Variants in ENTPD4 observed in about 807,000 individuals in gnomAD.
ENTPD4 encodes the protein ectonucleoside triphosphate diphosphohydrolase 4.
A neutral mutation model predicts 79.1 loss-of-function variants in ENTPD4; 60 were observed. The observed-to-expected ratio is 0.76, with a 90% CI of 0.62 to 0.94. The LOEUF (loss-of-function observed/expected upper bound fraction) is 0.94. Among genes scored for constraint, ENTPD4 ranks in the 40% least tolerant of loss-of-function variants. The pLI is 0.00. For synonymous variants in ENTPD4, 276 were observed against 292.0 expected (o/e 0.95, Z 0.56); for missense variants, 772 against 775.1 (o/e 1.00, Z 0.05).
chr8:23,452,262 C>A (rs1008081686), intron 1 of ENTPD4, among the ~76,000 whole-genome samples: 2 of 152,108 alleles, frequency 1.3e-5, no homozygotes, highest in African/African-American at 4.8e-5. Context: ...CTTTGCAGAC[C>A]CTAGGAAAGG....
intron 4 of ENTPD4, among the ~76,000 whole-genome samples, chr8:23,446,604 A>G (rs958733681): frequency 1.3e-4 from 20 of 152,212 alleles, no homozygotes; most frequent in Admixed American, 7.9e-4. Flanking sequence ...AGTGAGGTAC[A>G]GACTTTAGAT....
In ENTPD4 at chr8:23,435,421, G is replaced by A. The variant is rs754910311; in HGVS notation, c.1431C>T (p.Tyr477=). Residue 477 remains tyrosine, a synonymous_variant, in exon 11 of 13, where the codon TAC becomes TAT. Transcript: ENST00000358689. ...ILRERFDRGL[Y]ASHADLHRLK... ...GCCTGTGGAGGTCAGCATGAGAGGC[G>A]TACAGTCCTCGGTCAAAGCGTTCCC... The A allele has an allele frequency of 1.4e-5, 23 of 1,613,754 alleles. 1 individual carries two copies. The highest frequency in any genetic ancestry group is 1.3e-4 in the Admixed American group (8 of 59,994).
intron 5 of ENTPD4, 35 bp from the exon 6 acceptor site, chr8:23,443,988 AT>A: frequency 7.0e-7 from 1 of 1,420,320 alleles, no homozygotes; most frequent in Non-Finnish European, 9.9e-7. Flanking sequence ...AAATCAAAAG[AT>A]TACAGCTTGG....
chr8:23,434,637 T>C, intron 11 of ENTPD4, 159 bp from the exon 12 acceptor site: 1 of 1,446,228 alleles, frequency 6.9e-7, no homozygotes. Context: ...TCAAGGTTGA[T>C]GTACTTGCTT....
chr8:23,434,733 CCT>C lies in ENTPD4; in HGVS notation c.1461-257_1461-256del, dbSNP rs2117275858. 8.5e-6 allele frequency: 11 copies of C among 1,295,482 alleles called. No individual in the cohort carries two copies. In the South Asian group the frequency reaches 2.3e-4, roughly 27 times the overall value. The allele number at this position is 1,295,482 out of a possible 1,614,324, so 80.2% of individuals were successfully genotyped here. On this transcript the variant is annotated intron_variant, in intron 11 of 12. Coordinates refer to ENST00000358689, the MANE Select transcript of ENTPD4 (RefSeq NM_004901.5). Reference sequence around the variant, plus strand: ...CGGTCTCGGCATAATGTCATATATCCCTGAGATAGGTTTCTTTTCCAGCTGGC... The same window carrying C: ...CGGTCTCGGCATAATGTCATATATCCGAGATAGGTTTCTTTTCCAGCTGGC...
chr8:23,431,458 C>T lies in ENTPD4; in HGVS notation c.*1468G>A. Reference sequence around the variant, plus strand: ...TCAACTAAATAAATAGGTGAAAAAACACCAATCTCACATATGCCAATCCAA... The same window carrying T: ...TCAACTAAATAAATAGGTGAAAAAATACCAATCTCACATATGCCAATCCAA... On this transcript the variant is annotated 3_prime_UTR_variant, in exon 13 of 13. Transcript: ENST00000358689. The T allele has an allele frequency of 1.0e-6, 1 of 985,422 alleles. No homozygotes were observed. The highest frequency in any genetic ancestry group is 1.2e-6 in the Non-Finnish European group (1 of 829,922). The allele number at this position is 985,422 out of a possible 1,614,324, so 61.0% of individuals were successfully genotyped here.
chr8:23,439,283 T>C (rs1800626941), intron 9 of ENTPD4, among the ~76,000 whole-genome samples: 1 of 152,230 alleles, frequency 6.6e-6, no homozygotes, highest in Non-Finnish European at 1.5e-5. Flanking sequence ...CCCTTCACGA[T>C]GGTTCTTATC....
In ENTPD4 at chr8:23,432,384, G is replaced by C; in HGVS notation, c.*542C>G. On this transcript the variant is annotated 3_prime_UTR_variant, in exon 13 of 13. Coordinates refer to ENST00000358689, the MANE Select transcript of ENTPD4 (RefSeq NM_004901.5). ...AACCCCAGAAATCTCATTTATTTTTGGCAGATATCCTGTGCAGCAAAAATC... is the reference window on the plus strand; with the variant it reads ...AACCCCAGAAATCTCATTTATTTTTCGCAGATATCCTGTGCAGCAAAAATC... 2.0e-6 allele frequency: 2 copies of C among 985,464 alleles called. No individual in the cohort carries two copies. The highest frequency in any genetic ancestry group is 2.4e-6 in the Non-Finnish European group (2 of 830,080). 61.0% of individuals were successfully genotyped at this position (985,464 alleles called of 1,614,324 possible).
chr8:23,431,245 G>T lies in ENTPD4; in HGVS notation c.*1681C>A. On this transcript the variant is annotated 3_prime_UTR_variant, in exon 13 of 13. Transcript: ENST00000358689. ...TCCAAACTCTCCCAGCCTCTGCCCAGTACCTAGTTCCAAAGCCACTTTTAT... is the reference window on the plus strand; with the variant it reads ...TCCAAACTCTCCCAGCCTCTGCCCATTACCTAGTTCCAAAGCCACTTTTAT... 1 of 716,624 alleles carries T rather than the reference G, an allele frequency of 1.4e-6. No individual in the cohort carries two copies. The highest frequency in any genetic ancestry group is 1.7e-6 in the Non-Finnish European group (1 of 585,396). The allele number at this position is 716,624 out of a possible 1,614,324, so 44.4% of individuals were successfully genotyped here.
At chr8:23,435,535 TA>T in intron 10 of ENTPD4, 58 bp from the exon 11 acceptor site, 1 of 1,297,038 alleles carries the variant, frequency 7.7e-7, no homozygotes. Context: ...ATTCTCACTT[TA>T]AAAATGGTTT....
chr8:23,456,008 C>A (rs992247948), intron 1 of ENTPD4, among the ~76,000 whole-genome samples: 1 of 152,212 alleles, frequency 6.6e-6, no homozygotes, highest in African/African-American at 2.4e-5. Context: ...GCGACTCACC[C>A]ACCTTCTGCC....
intron 1 of ENTPD4, among the ~76,000 whole-genome samples, chr8:23,451,254 C>T (rs10108137): frequency 0.063 from 9,536 of 152,028 alleles, 440 homozygotes; most frequent in African/African-American, 0.12. Context: ...GCCCCTGACC[C>T]GGTGATCTGC....
intron 10 of ENTPD4, among the ~76,000 whole-genome samples, chr8:23,436,010 G>A (rs908452145): frequency 1.3e-5 from 2 of 152,102 alleles, no homozygotes; most frequent in African/African-American, 2.4e-5. Context: ...CTACCATCCC[G>A]ACCTCTATTT....
chr8:23,442,740 G>A (rs1048124401), intron 6 of ENTPD4, among the ~76,000 whole-genome samples: 1 of 151,446 alleles, frequency 6.6e-6, no homozygotes, highest in African/African-American at 2.4e-5. Context: ...CATTCACTCA[G>A]CTGCCAAGTC....
intron 9 of ENTPD4, among the ~76,000 whole-genome samples, chr8:23,437,501 C>A (rs1800589632): frequency 6.6e-6 from 1 of 152,128 alleles, no homozygotes; most frequent in South Asian, 2.1e-4. Context: ...GTTGGATAAC[C>A]TACCCGATTA....
intron 12 of ENTPD4, 79 bp downstream of exon 12, chr8:23,434,238 A>G: frequency 1.3e-6 from 2 of 1,560,502 alleles, no homozygotes; most frequent in Non-Finnish European, 1.7e-6. Flanking sequence ...CCAAACAGCC[A>G]CAGACCACAG....
chr8:23,442,095 GAA>G (rs892120759), intron 6 of ENTPD4, 29 bp from the exon 7 acceptor site: 9 of 1,580,718 alleles, frequency 5.7e-6, no homozygotes, highest in East Asian at 4.5e-5. Flanking sequence ...GTGAAGAGAA[GAA>G]AAAGTTTTAA....
rs534610800 is a variant in ENTPD4, at chr8:23,432,468, G to A, written c.*458C>T. 6.6e-5 allele frequency: 65 copies of A among 986,536 alleles called. No homozygotes were observed. Among genetic ancestry groups the A allele is most frequent in the African/African-American group, 4.9e-4 (28 of 57,092 alleles). 61.1% of individuals were successfully genotyped at this position (986,536 alleles called of 1,614,324 possible). A position where few individuals can be genotyped will look rare whatever the true frequency, so the allele number is the denominator to read the frequency against. On this transcript the variant is annotated 3_prime_UTR_variant, in exon 13 of 13. Transcript: ENST00000358689. Reference sequence around the variant, plus strand: ...AATGCTGTACTCAAAATGGCTAAACGCAATACTTCTAGACAGCAGGGCTTA... The same window carrying A: ...AATGCTGTACTCAAAATGGCTAAACACAATACTTCTAGACAGCAGGGCTTA...
In ENTPD4 at chr8:23,437,207, G is replaced by A. The variant is rs767686644; in HGVS notation, c.1101C>T (p.Pro367=). The A allele has an allele frequency of 3.1e-6, 5 of 1,614,034 alleles. No homozygotes were observed. The African/African-American group carries it at 6.7e-5, about 22-fold the overall frequency. Residue 367 remains proline (P), a synonymous_variant, in exon 10 of 13, where the codon CCC becomes CCT. Coordinates refer to ENST00000358689, the MANE Select transcript of ENTPD4 (RefSeq NM_004901.5). The stretch of plus-strand genomic sequence containing the variant: ...CATCTTTAATGTCTAGGGGTAGGCA[G>A]GGGTCCAAGTACGGCATATCAGGAG... ...GLTPDMPYLD[P]CLPLDIKDEI...
Sources: allele counts gnomAD v4.1 joint callset (sites outside exome capture counted in the v4.1 genomes callset), GRCh38; gene constraint gnomAD v4.1.1; transcripts MANE v1.5; gene names NCBI Gene and HGNC (gene_info 2026-07-23, HGNC 2026-07-21).